Variants in RIMS2 observed in about 807,000 individuals in gnomAD.
RIMS2 encodes regulating synaptic membrane exocytosis 2.
A neutral mutation model predicts 174.4 loss-of-function variants in RIMS2; 59 were observed. The ratio of observed to expected loss-of-function variants is 0.34; its 90% confidence interval spans 0.27 to 0.42. The LOEUF (loss-of-function observed/expected upper bound fraction) is 0.42, where lower values mean the gene tolerates loss of function less well. RIMS2 is among the 10% of genes least tolerant of loss of function. The pLI, the probability that RIMS2 is intolerant of heterozygous loss-of-function variation, is 1.00. For missense variants in RIMS2, 1,620 were observed against 1,666.3 expected (o/e 0.97, Z 0.48); for synonymous variants, 606 against 572.5 (o/e 1.06, Z -0.84).
At chr8:104,101,033 T>C (rs1288496292) in intron 19 of RIMS2, among the ~76,000 whole-genome samples, 1 of 142,994 alleles carries the variant, frequency 7.0e-6, no homozygotes, top group Non-Finnish European at 1.5e-5. Flanking sequence ...ATATATGTTA[T>C]ATATTATATT....
rs551422296 is a variant in RIMS2, at chr8:103,600,122, T to C, written c.177-96964T>C. Among the ~76,000 whole-genome samples the C allele has an allele frequency of 3.9e-5, 6 of 152,256 alleles. No individual in the cohort carries two copies. In the East Asian group the frequency reaches 1.2e-3, roughly 29 times the overall value. On this transcript the variant is annotated intron_variant, in intron 1 of 23. Transcript: ENST00000504942. The stretch of plus-strand genomic sequence containing the variant: ...TTTTTACTTCCCACAAATTTTTACA[T>C]CCCACAAATGAGTGAGAACATACAA...
At chr8:103,852,460 G>A (rs1396455090) in intron 3 of RIMS2, among the ~76,000 whole-genome samples, 2 of 150,118 alleles carry the variant, frequency 1.3e-5, no homozygotes, top group South Asian at 2.1e-4. Context: ...TACATGGGCA[G>A]GTTTGTGCTC....
At chr8:103,726,550 A>G (rs1037833889) in intron 2 of RIMS2, among the ~76,000 whole-genome samples, 168 of 151,848 alleles carry the variant, frequency 1.1e-3, no homozygotes, top group African/African-American at 3.6e-3. Flanking sequence ...TAAATAGGCC[A>G]TATAGGTGTT....
chr8:103,826,377 T>G (rs1404098122), intron 3 of RIMS2, among the ~76,000 whole-genome samples: 1 of 151,926 alleles, frequency 6.6e-6, no homozygotes, highest in Non-Finnish European at 1.5e-5. Context: ...ACATATATGA[T>G]CCATCATAAA....
At chr8:104,193,957 T>A (rs1406612006) in intron 19 of RIMS2, among the ~76,000 whole-genome samples, 1 of 152,184 alleles carries the variant, frequency 6.6e-6, no homozygotes, top group Non-Finnish European at 1.5e-5. Flanking sequence ...TCATTTGGAA[T>A]GTGATGGGGT....
At chr8:103,621,802 T>C (rs929886391) in intron 1 of RIMS2, among the ~76,000 whole-genome samples, 1 of 152,184 alleles carries the variant, frequency 6.6e-6, no homozygotes, top group African/African-American at 2.4e-5. Flanking sequence ...GGAGAAATGG[T>C]TGTATTTTTG....
At chr8:104,240,898 T>C (rs937513478) in intron 19 of RIMS2, among the ~76,000 whole-genome samples, 1 of 152,150 alleles carries the variant, frequency 6.6e-6, no homozygotes, top group Non-Finnish European at 1.5e-5. Context: ...TTAAATGCAT[T>C]GTTTTCCTTA....
At chr8:103,879,996 G>A (rs1028234301) in intron 3 of RIMS2, among the ~76,000 whole-genome samples, 20 of 151,658 alleles carry the variant, frequency 1.3e-4, no homozygotes, top group African/African-American at 4.6e-4. Context: ...CAACTTCTTA[G>A]TTAATGGAGC....
At chr8:103,769,842 A>C (rs898326752) in intron 3 of RIMS2, among the ~76,000 whole-genome samples, 2 of 152,208 alleles carry the variant, frequency 1.3e-5, no homozygotes, top group Non-Finnish European at 2.9e-5. Flanking sequence ...CTAAAAGCAT[A>C]CTGTATATCT....
chr8:103,531,182 A>G (rs142889449), intron 1 of RIMS2, among the ~76,000 whole-genome samples: 1 of 152,134 alleles, frequency 6.6e-6, no homozygotes, highest in Non-Finnish European at 1.5e-5. Context: ...AATATCTTTA[A>G]TGTGCACACT....
chr8:104,041,827 G>C (rs2096614234), intron 19 of RIMS2, among the ~76,000 whole-genome samples: 1 of 151,670 alleles, frequency 6.6e-6, no homozygotes, highest in East Asian at 1.9e-4. Flanking sequence ...TATCACTGAA[G>C]AGTTAAGAGA....
At chr8:103,724,354 G>C (rs989427327) in intron 2 of RIMS2, among the ~76,000 whole-genome samples, 4 of 151,952 alleles carry the variant, frequency 2.6e-5, no homozygotes, top group Non-Finnish European at 5.9e-5. Flanking sequence ...ACTATTCTTT[G>C]CTCATTTGTA....
intron 1 of RIMS2, among the ~76,000 whole-genome samples, chr8:103,556,780 G>GA (rs573933803): frequency 1.1e-3 from 171 of 151,708 alleles, no homozygotes; most frequent in African/African-American, 3.6e-3. Context: ...ATTTCTATAG[G>GA]AAAAAAAATA....
intron 3 of RIMS2, among the ~76,000 whole-genome samples, chr8:103,782,315 A>G (rs1222695671): frequency 6.6e-6 from 1 of 151,510 alleles, no homozygotes; most frequent in Admixed American, 6.6e-5. Flanking sequence ...GTGCATAGTG[A>G]GTGTTCTTCT....
chr8:103,694,564 C>T lies in RIMS2; in HGVS notation c.177-2522C>T, dbSNP rs535272642. ...ATATGCCTGGAGGTTCCATATAGACCTTGTCTACTGGGCAGGCCTGGAACC... is the reference window on the plus strand; with the variant it reads ...ATATGCCTGGAGGTTCCATATAGACTTTGTCTACTGGGCAGGCCTGGAACC... On this transcript the variant is annotated intron_variant, in intron 1 of 23. Coordinates refer to ENST00000504942, the Ensembl canonical transcript of RIMS2. Among the ~76,000 whole-genome samples, 8 of 152,132 alleles carry T rather than the reference C, an allele frequency of 5.3e-5. No homozygotes were observed. The South Asian group carries it at 1.7e-3, about 32-fold the overall frequency.
At chr8:103,812,824 CAG>C (rs1429227668) in intron 3 of RIMS2, among the ~76,000 whole-genome samples, 20 of 152,308 alleles carry the variant, frequency 1.3e-4, no homozygotes, top group Admixed American at 5.9e-4. Context: ...TACTTTACAA[CAG>C]AGTACTTTAA....
chr8:104,189,130 C>A (rs2136279969), intron 19 of RIMS2, among the ~76,000 whole-genome samples: 1 of 152,012 alleles, frequency 6.6e-6, no homozygotes, highest in South Asian at 2.1e-4. Context: ...ATTTTAAGAA[C>A]AATAAGCAGC....
exon 20 of RIMS2, chr8:104,244,943 C>G (rs747060471): frequency 1.2e-6 from 2 of 1,613,648 alleles, no homozygotes; most frequent in South Asian, 2.2e-5. Context: ...CTAAGGAGCA[C>G]TGTCCAAAGA....
At chr8:103,680,942 A>T (rs2096872599) in intron 1 of RIMS2, among the ~76,000 whole-genome samples, 1 of 152,040 alleles carries the variant, frequency 6.6e-6, no homozygotes. Flanking sequence ...AGTGAATGTT[A>T]GTATGTTCGT....
Sources: allele counts gnomAD v4.1 joint callset (sites outside exome capture counted in the v4.1 genomes callset), GRCh38; gene constraint gnomAD v4.1.1; transcripts MANE v1.5; gene names NCBI Gene and HGNC (gene_info 2026-07-23, HGNC 2026-07-21).